Variants in ZNF571 observed in about 807,000 individuals in gnomAD.
ZNF571 encodes zinc finger protein 571.
ZNF571 carries 4 observed loss-of-function variants against 7.7 expected under a neutral mutation model. The ratio of observed to expected loss-of-function variants is 0.52; its 90% CI spans 0.25 to 1.18. ZNF571 has a LOEUF of 1.18. Among genes scored for constraint, ZNF571 ranks in the 50% most tolerant of loss-of-function variants. ZNF571 has a pLI of 0.14. For missense variants in ZNF571, 704 were observed against 726.9 expected, an observed-to-expected ratio of 0.97 and a Z score of 0.36; for synonymous variants, 251 against 232.4, an observed-to-expected ratio of 1.08 and a Z score of -0.73.
chr19:37,566,197 G>A lies in ZNF571; in HGVS notation c.231C>T (p.Ile77=), dbSNP rs1478450768. The A allele has an allele frequency of 1.2e-6, 2 of 1,613,804 alleles. No individual in the cohort carries two copies. The highest frequency in any genetic ancestry group is 2.7e-5 in the African/African-American group (2 of 74,900). ...GACCATTGTATTGAAGGTGATGGTT[G>A]ATACGTTTCCCCATATTCTCCCACT... ...SLQWENMGKR[I]NHHLQYNGLG... The change falls in exon 4 of 4, where the codon ATC becomes ATT. Residue 77 remains isoleucine (I), a synonymous_variant. Transcript: ENST00000451802.
chr19:37,568,671 C>T (rs2042951004), intron 3 of ZNF571, among the ~76,000 whole-genome samples: 1 of 152,124 alleles, frequency 6.6e-6, no homozygotes, highest in African/African-American at 2.4e-5. Context: ...ATACCAAAGT[C>T]TCAGAACTGT....
chr19:37,564,653 C>A lies in ZNF571; in HGVS notation c.1775G>T (p.Gly592Val). ...GEKPYTCVQC[G>V]KDFRCPSQLT... Reference sequence around the variant, plus strand: ...TTGTGAAGGACATCTAAAGTCTTTACCACACTGGACACATGTATAGGGTTT... The same window carrying A: ...TTGTGAAGGACATCTAAAGTCTTTAACACACTGGACACATGTATAGGGTTT... Residue 592 changes from glycine to valine, a missense_variant, in exon 4 of 4, where the codon GGT becomes GTT. Physicochemically the swap from Gly to Val is moderately radical, Grantham distance 109. Coordinates refer to ENST00000451802, the MANE Select transcript of ZNF571 (RefSeq NM_016536.5). 2 of 1,598,628 alleles carry A rather than the reference C, an allele frequency of 1.3e-6. No homozygotes were observed. Among genetic ancestry groups the A allele is most frequent in the Non-Finnish European group, 1.7e-6 (2 of 1,172,574 alleles).
chr19:37,572,351 A>G (rs946970625), intron 3 of ZNF571, among the ~76,000 whole-genome samples: 2 of 152,230 alleles, frequency 1.3e-5, no homozygotes, highest in African/African-American at 2.4e-5. Flanking sequence ...TAAACAATTC[A>G]TAAGTTTTAA....
At chr19:37,577,902 T>C (rs1328182361) in intron 3 of ZNF571, among the ~76,000 whole-genome samples, 1 of 152,130 alleles carries the variant, frequency 6.6e-6, no homozygotes, top group Admixed American at 6.5e-5. Flanking sequence ...CCACAGACCG[T>C]ACTGTTTGGC....
intron 3 of ZNF571, among the ~76,000 whole-genome samples, chr19:37,580,992 A>ATACCAAAAC: frequency 6.6e-6 from 1 of 152,352 alleles, no homozygotes; most frequent in Admixed American, 6.5e-5. Flanking sequence ...CTATGTTTAA[A>ATACCAAAAC]TACCAAAACT....
Position 37,565,004 on chromosome 19 carries a change from TCATA to T in ZNF571, c.1420_1423del (p.Tyr474AsnfsTer75). ...AAAGGTCTTCCCACATTCCTTACAT[TCATA>T]ATGTTTCTCACCATGAATTTTCTCA... is the stretch of plus-strand genomic sequence containing the variant. On this transcript the variant is annotated frameshift_variant, in exon 4 of 4. Coordinates refer to ENST00000451802, the MANE Select transcript of ZNF571 (RefSeq NM_016536.5). LOFTEE classifies it low-confidence loss of function (END_TRUNC). 1 of 1,613,980 alleles carries T rather than the reference TCATA, an allele frequency of 6.2e-7. No homozygotes were observed. Among genetic ancestry groups the T allele is most frequent in the Non-Finnish European group, 8.5e-7 (1 of 1,179,922 alleles).
At chr19:37,581,471 T>C (rs929241920) in intron 3 of ZNF571, among the ~76,000 whole-genome samples, 20 of 150,966 alleles carry the variant, frequency 1.3e-4, no homozygotes, top group African/African-American at 4.4e-4. Context: ...TCTTTCTTTT[T>C]TTTTTTTTTT....
intron 3 of ZNF571, among the ~76,000 whole-genome samples, chr19:37,568,945 C>T (rs1171864344): frequency 6.6e-6 from 1 of 151,736 alleles, no homozygotes; most frequent in Admixed American, 6.6e-5. Context: ...TGCTGACACT[C>T]GGGAAGCCCA....
chr19:37,565,296 G>A lies in ZNF571; in HGVS notation c.1132C>T (p.Leu378Phe). ...CGKTFFRGSQ[L>F]TYHLRVHSGE... is the part of the protein sequence containing the mutation. The stretch of plus-strand genomic sequence containing the variant: ...GAATGAACTCTCAGGTGGTAAGTAA[G>A]TTGTGAGCCACGAAAAAAGGTCTTC... The change falls in exon 4 of 4, where the codon CTT (leucine) becomes TTT (phenylalanine). Residue 378 changes from leucine (L) to phenylalanine (F), a missense_variant. Physicochemically the swap from Leu to Phe is conservative, Grantham distance 22. Coordinates refer to ENST00000451802, the MANE Select transcript of ZNF571 (RefSeq NM_016536.5). 1.2e-6 allele frequency: 2 copies of A among 1,611,190 alleles called. No individual in the cohort carries two copies. Among genetic ancestry groups the A allele is most frequent in the Non-Finnish European group, 1.7e-6 (2 of 1,178,712 alleles).
At chr19:37,576,370 C>T (rs1486531961) in intron 3 of ZNF571, among the ~76,000 whole-genome samples, 1 of 152,148 alleles carries the variant, frequency 6.6e-6, no homozygotes, top group Non-Finnish European at 1.5e-5. Flanking sequence ...ACACTTGCAA[C>T]TATCTGCATT....
chr19:37,568,314 A>C (rs2042933381), intron 3 of ZNF571, among the ~76,000 whole-genome samples: 2 of 114,626 alleles, frequency 1.7e-5, no homozygotes, highest in African/African-American at 7.8e-5. Context: ...AACAAAAGCA[A>C]CTACCCCCCC....
intron 3 of ZNF571, among the ~76,000 whole-genome samples, chr19:37,575,024 T>C (rs1475088662): frequency 1.3e-5 from 2 of 152,222 alleles, no homozygotes; most frequent in Non-Finnish European, 1.5e-5. Flanking sequence ...TAACCTGTTA[T>C]TCACATAATT....
chr19:37,589,772 A>AG (rs2043808257), intron 1 of ZNF571, among the ~76,000 whole-genome samples: 1 of 147,464 alleles, frequency 6.8e-6, no homozygotes, highest in South Asian at 2.2e-4. Context: ...AGGCTGAGGC[A>AG]AAGAATTGCT....
chr19:37,577,688 G>C (rs1442435421), intron 3 of ZNF571, among the ~76,000 whole-genome samples: 1 of 152,112 alleles, frequency 6.6e-6, no homozygotes, highest in Non-Finnish European at 1.5e-5. Flanking sequence ...GTGATAGCCG[G>C]CTATTCAGAA....
At chr19:37,594,212 C>T (rs1050978956) in intron 1 of ZNF571, 1 of 152,236 alleles carries the variant, frequency 6.6e-6, no homozygotes, top group African/African-American at 2.4e-5. Flanking sequence ...TCAAAAAGAG[C>T]CTCTTACTCT....
intron 3 of ZNF571, among the ~76,000 whole-genome samples, chr19:37,573,990 G>A (rs1409755315): frequency 6.6e-6 from 1 of 152,070 alleles, no homozygotes; most frequent in South Asian, 2.1e-4. Flanking sequence ...ATTGTCACTA[G>A]TGGCATTAAT....
intron 1 of ZNF571, among the ~76,000 whole-genome samples, chr19:37,589,727 G>A (rs1389234852): frequency 1.3e-5 from 2 of 151,744 alleles, no homozygotes; most frequent in Non-Finnish European, 2.9e-5. Flanking sequence ...TTAGCCAGGC[G>A]TGGTGGCGGG....
At chr19:37,567,035 C>T (rs910155799) in intron 3 of ZNF571, among the ~76,000 whole-genome samples, 1 of 152,156 alleles carries the variant, frequency 6.6e-6, no homozygotes, top group Non-Finnish European at 1.5e-5. Context: ...AAGTGTCAAG[C>T]ATATGCCTAC....
intron 1 of ZNF571, among the ~76,000 whole-genome samples, chr19:37,591,638 G>A (rs1015631060): frequency 4.6e-5 from 7 of 152,060 alleles, no homozygotes; most frequent in African/African-American, 7.2e-5. Flanking sequence ...TCGGCCTCCC[G>A]GGTTCAAATG....
Sources: allele counts gnomAD v4.1 joint callset (sites outside exome capture counted in the v4.1 genomes callset), GRCh38; gene constraint gnomAD v4.1.1; transcripts MANE v1.5; gene names NCBI Gene and HGNC (gene_info 2026-07-23, HGNC 2026-07-21).